PDE3A: variants seen among roughly 807,000 people sequenced by gnomAD.
The protein encoded by PDE3A is phosphodiesterase 3A, also known as cGMP-inhibited 3',5'-cyclic phosphodiesterase 3A.
Under a neutral mutation model 98.3 loss-of-function variants are expected in PDE3A, and 43 were observed. That is an observed-to-expected ratio of 0.44 (90% CI 0.34 to 0.56). PDE3A has a LOEUF of 0.56. PDE3A is among the 20% of genes least tolerant of loss of function. PDE3A has a pLI of 0.01. For synonymous variants in PDE3A, 663 were observed against 567.9 expected (o/e 1.17, Z -2.38); for missense variants, 1,427 against 1,440.7 (o/e 0.99, Z 0.15).
chr12:20,578,748 A>T (rs1942999134), intron 2 of PDE3A, among the ~76,000 whole-genome samples: 1 of 151,736 alleles, frequency 6.6e-6, no homozygotes. Flanking sequence ...CCCTGGTCCC[A>T]CTCTCCCTGG....
chr12:20,440,595 C>G (rs1944854905), intron 1 of PDE3A, among the ~76,000 whole-genome samples: 1 of 152,196 alleles, frequency 6.6e-6, no homozygotes. Context: ...TTACATAACA[C>G]TTCTTGAGTA....
intron 5 of PDE3A, among the ~76,000 whole-genome samples, chr12:20,623,514 T>C (rs914960571): frequency 3.3e-5 from 5 of 152,002 alleles, no homozygotes; most frequent in Admixed American, 6.6e-5. Context: ...TGAAACAATA[T>C]GGTAACCTAA....
intron 2 of PDE3A, among the ~76,000 whole-genome samples, chr12:20,599,221 C>T (rs1364373937): frequency 1.3e-5 from 2 of 152,132 alleles, no homozygotes; most frequent in Non-Finnish European, 2.9e-5. Context: ...TGCTCTGCCC[C>T]CCACTTACTC....
intron 2 of PDE3A, among the ~76,000 whole-genome samples, chr12:20,582,573 G>A (rs905600969): frequency 3.3e-5 from 5 of 151,648 alleles, no homozygotes; most frequent in Non-Finnish European, 7.4e-5. Flanking sequence ...ATATATATAC[G>A]CTTATATAGT....
intron 1 of PDE3A, among the ~76,000 whole-genome samples, chr12:20,433,480 C>G (rs997700706): frequency 6.6e-6 from 1 of 152,044 alleles, no homozygotes; most frequent in African/African-American, 2.4e-5. Flanking sequence ...TGCTTGGGGT[C>G]TCTATATGTA....
At chr12:20,615,992 G>A (rs1332525483) in intron 3 of PDE3A, among the ~76,000 whole-genome samples, 1 of 152,094 alleles carries the variant, frequency 6.6e-6, no homozygotes, top group Admixed American at 6.6e-5. Context: ...CCAAAGTGCT[G>A]GAATTACAGG....
At chr12:20,582,267 C>T (rs1301828266) in intron 2 of PDE3A, among the ~76,000 whole-genome samples, 3 of 152,264 alleles carry the variant, frequency 2.0e-5, no homozygotes, top group African/African-American at 7.2e-5. Flanking sequence ...GATCTTGGCT[C>T]ACTGCAACCT....
Position 20,369,420 on chromosome 12 carries a change from T to C in PDE3A, c.136T>C (p.Cys46Arg). ...ASPRDSGCRG[C>R]WGDLVLQPLR... ...GCCGCGGGACTCGGGCTGCCGTGGC[T>C]GCTGGGGAGACCTGGTGCTGCAGCC... Residue 46 changes from cysteine to arginine, a missense_variant, in exon 1 of 16, where the codon TGC becomes CGC. This residue lies in a region of PDE3A where 1,012 missense variants were observed against 886.5 expected (regional missense o/e 1.14). Coordinates refer to ENST00000359062, the MANE Select transcript of PDE3A (RefSeq NM_000921.5). 2.6e-6 allele frequency: 4 copies of C among 1,555,330 alleles called. No homozygotes were observed. Among genetic ancestry groups the C allele is most frequent in the Middle Eastern group, 1.7e-4 (1 of 5,836 alleles).
At chr12:20,641,294 C>T (rs1461287466) in intron 10 of PDE3A, among the ~76,000 whole-genome samples, 2 of 151,916 alleles carry the variant, frequency 1.3e-5, no homozygotes, top group Non-Finnish European at 2.9e-5. Context: ...CCCCTGGGAA[C>T]ATCTGGCTGA....
At chr12:20,541,696 C>G (rs1029548286) in intron 1 of PDE3A, among the ~76,000 whole-genome samples, 1 of 151,868 alleles carries the variant, frequency 6.6e-6, no homozygotes, top group African/African-American at 2.4e-5. Context: ...TAATATATCA[C>G]TAAGAGGAAT....
chr12:20,611,464 G>C (rs1943852574), intron 2 of PDE3A, among the ~76,000 whole-genome samples: 1 of 151,710 alleles, frequency 6.6e-6, no homozygotes, highest in Non-Finnish European at 1.5e-5. Flanking sequence ...CTTGAGCTAT[G>C]GAATGAAGCT....
At chr12:20,545,625 G>C (rs1942030314) in intron 1 of PDE3A, among the ~76,000 whole-genome samples, 1 of 151,858 alleles carries the variant, frequency 6.6e-6, no homozygotes, top group African/African-American at 2.4e-5. Flanking sequence ...GAAGGTTTAC[G>C]AGGAATACAG....
chr12:20,674,253 A>T (rs1019958969), intron 15 of PDE3A, among the ~76,000 whole-genome samples: 1 of 152,168 alleles, frequency 6.6e-6, no homozygotes, highest in African/African-American at 2.4e-5. Context: ...GGATTATGTC[A>T]TCTACAAAGA....
At chr12:20,502,626 A>T (rs1280854766) in intron 1 of PDE3A, among the ~76,000 whole-genome samples, 1 of 152,168 alleles carries the variant, frequency 6.6e-6, no homozygotes, top group Non-Finnish European at 1.5e-5. Context: ...TATGGAATAC[A>T]TGACTGAAAA....
intron 2 of PDE3A, among the ~76,000 whole-genome samples, chr12:20,594,348 G>GA (rs1299565255): frequency 1.3e-5 from 2 of 151,942 alleles, no homozygotes; most frequent in Non-Finnish European, 2.9e-5. Context: ...TTAACCAAAA[G>GA]AAAAAATATT....
chr12:20,482,692 A>G (rs10841549), intron 1 of PDE3A, among the ~76,000 whole-genome samples: 56,109 of 152,092 alleles, frequency 0.37, 10,828 homozygotes, highest in East Asian at 0.67. Flanking sequence ...TGTAAAAGCC[A>G]TATGGAACTG....
At chr12:20,654,275 C>T in intron 15 of PDE3A, 70 bp downstream of exon 15, 1 of 1,452,674 alleles carries the variant, frequency 6.9e-7, no homozygotes, top group Non-Finnish European at 9.6e-7. Context: ...GAATTTTATG[C>T]TTCTTATGAA....
At chr12:20,569,978 A>C (rs940998163) in intron 2 of PDE3A, among the ~76,000 whole-genome samples, 2 of 152,182 alleles carry the variant, frequency 1.3e-5, no homozygotes, top group Non-Finnish European at 2.9e-5. Flanking sequence ...TGAGTACATA[A>C]TTTCAAGAAG....
intron 2 of PDE3A, among the ~76,000 whole-genome samples, chr12:20,580,103 G>C (rs1431739681): frequency 6.6e-6 from 1 of 152,108 alleles, no homozygotes; most frequent in Non-Finnish European, 1.5e-5. Flanking sequence ...TGTATAGTTA[G>C]CATCAGAGAA....
Sources: gnomAD v4.1 joint callset for allele counts (sites outside exome capture counted in the v4.1 genomes callset) on GRCh38, gnomAD v4.1.1 for gene constraint, gnomAD v4.1.1 regional missense constraint, MANE v1.5 for transcripts, NCBI Gene and HGNC (gene_info 2026-07-23, HGNC 2026-07-21) for gene names.